FSHR: variants seen among roughly 807,000 people sequenced by gnomAD.
FSHR encodes follicle stimulating hormone receptor, also known as follicle-stimulating hormone receptor.
Under a neutral mutation model 52.1 loss-of-function variants are expected in FSHR, and 46 were observed. The observed-to-expected ratio is 0.88, with a 90% confidence interval of 0.70 to 1.13. FSHR has a LOEUF of 1.13. Among genes scored for constraint, FSHR ranks in the 50% most tolerant of loss-of-function variants. The probability of loss-of-function intolerance (pLI) is 0.00; values close to 1 mark genes in which losing one functional copy is unlikely to be tolerated. For synonymous variants in FSHR, 399 were observed against 309.6 expected (o/e 1.29, Z -3.03); for missense variants, 964 against 834.6 (o/e 1.16, Z -1.91).
chr2:49,110,905 G>A (rs1275601673), intron 1 of FSHR, among the ~76,000 whole-genome samples: 1 of 152,156 alleles, frequency 6.6e-6, no homozygotes, highest in Non-Finnish European at 1.5e-5. Flanking sequence ...TGATGCTACT[G>A]TAATTTAAGG....
intron 2 of FSHR, among the ~76,000 whole-genome samples, chr2:49,032,673 G>A (rs1376268214): frequency 6.6e-6 from 1 of 152,152 alleles, no homozygotes; most frequent in Non-Finnish European, 1.5e-5. Context: ...AGAATAATAA[G>A]GCACAGAAAA....
intron 2 of FSHR, among the ~76,000 whole-genome samples, chr2:49,047,374 A>T (rs1668700385): frequency 6.6e-6 from 1 of 152,244 alleles, no homozygotes; most frequent in South Asian, 2.1e-4. Context: ...AAGAAAAAAA[A>T]TAATCTGAGT....
rs945300779 is a variant in FSHR at position 48,962,312 on chromosome 2, T to C, written c.*421A>G. Reference sequence around the variant, plus strand: ...CTGGGAAATTCTCTGGGAGTCGGAATACCTAATCCTGGCTCTGCCTCTTAC... The same window carrying C: ...CTGGGAAATTCTCTGGGAGTCGGAACACCTAATCCTGGCTCTGCCTCTTAC... On this transcript the variant is annotated 3_prime_UTR_variant, in exon 10 of 10. Coordinates refer to ENST00000406846, the MANE Select transcript of FSHR (RefSeq NM_000145.4). 2 of 213,396 alleles carry C rather than the reference T, an allele frequency of 9.4e-6. No homozygotes were observed. The highest frequency in any genetic ancestry group is 1.1e-4 in the Admixed American group (2 of 18,940). 13.2% of individuals were successfully genotyped at this position (213,396 alleles called of 1,614,324 possible).
chr2:49,031,028 G>A (rs556870352), intron 2 of FSHR, among the ~76,000 whole-genome samples: 21 of 152,332 alleles, frequency 1.4e-4, no homozygotes, highest in Non-Finnish European at 2.6e-4. Context: ...TCATGTTAGT[G>A]ATCCAGCCAG....
intron 2 of FSHR, among the ~76,000 whole-genome samples, chr2:49,065,090 G>T (rs1669451470): frequency 1.3e-5 from 2 of 152,140 alleles, no homozygotes; most frequent in South Asian, 2.1e-4. Context: ...TATGCAATAT[G>T]ATGTCTGGTA....
intron 8 of FSHR, among the ~76,000 whole-genome samples, chr2:48,982,548 C>T (rs756734527): frequency 2.6e-5 from 4 of 152,088 alleles, no homozygotes; most frequent in Non-Finnish European, 5.9e-5. Context: ...TCTTGTATAA[C>T]CTTGAGTGGG....
intron 1 of FSHR, among the ~76,000 whole-genome samples, chr2:49,143,001 A>C (rs916549795): frequency 6.6e-6 from 1 of 152,186 alleles, no homozygotes; most frequent in African/African-American, 2.4e-5. Flanking sequence ...GGAGAAGTCA[A>C]GGTTTCAGTT....
At chr2:49,002,486 T>C (rs1477795251) in intron 4 of FSHR, among the ~76,000 whole-genome samples, 1 of 152,082 alleles carries the variant, frequency 6.6e-6, no homozygotes, top group Non-Finnish European at 1.5e-5. Flanking sequence ...TCCTCAGGGC[T>C]GGGGAGGCCT....
At chr2:49,137,929 AAAG>A (rs1216429166) in intron 1 of FSHR, among the ~76,000 whole-genome samples, 1 of 152,196 alleles carries the variant, frequency 6.6e-6, no homozygotes, top group Non-Finnish European at 1.5e-5. Flanking sequence ...AAGCACAAAA[AAAG>A]AATAAAAAAA....
At chr2:49,120,931 T>A (rs1229446494) in intron 1 of FSHR, among the ~76,000 whole-genome samples, 1 of 152,236 alleles carries the variant, frequency 6.6e-6, no homozygotes, top group African/African-American at 2.4e-5. Flanking sequence ...CATTGTGATA[T>A]ACCAGGAGAA....
chr2:48,993,719 C>T (rs1237821024), intron 4 of FSHR, among the ~76,000 whole-genome samples: 1 of 152,112 alleles, frequency 6.6e-6, no homozygotes, highest in Admixed American at 6.6e-5. Context: ...GCTATTTCCC[C>T]AGTGCGTTTT....
At chr2:49,090,704 C>T (rs1238214427) in intron 1 of FSHR, among the ~76,000 whole-genome samples, 2 of 152,158 alleles carry the variant, frequency 1.3e-5, no homozygotes, top group African/African-American at 2.4e-5. Flanking sequence ...TTTTCCAGAG[C>T]AGCTGTACCA....
At chr2:49,106,850 A>T (rs554780672) in intron 1 of FSHR, among the ~76,000 whole-genome samples, 1 of 152,272 alleles carries the variant, frequency 6.6e-6, no homozygotes, top group South Asian at 2.1e-4. Context: ...GCAAGATGGC[A>T]AGTCCCTCAG....
At chr2:49,120,455 G>A (rs1423364151) in intron 1 of FSHR, among the ~76,000 whole-genome samples, 2 of 152,174 alleles carry the variant, frequency 1.3e-5, no homozygotes, top group African/African-American at 2.4e-5. Context: ...ATGGTCTTTT[G>A]TAGTTGGATG....
chr2:49,116,578 C>T (rs1671607913), intron 1 of FSHR, among the ~76,000 whole-genome samples: 1 of 152,108 alleles, frequency 6.6e-6, no homozygotes, highest in African/African-American at 2.4e-5. Context: ...CAGCACTGTG[C>T]CTAACACATG....
chr2:49,027,259 G>A (rs1572651613), intron 2 of FSHR, among the ~76,000 whole-genome samples: 1 of 152,244 alleles, frequency 6.6e-6, no homozygotes, highest in Non-Finnish European at 1.5e-5. Flanking sequence ...ACCACCAATA[G>A]TTCTTAACAG....
intron 9 of FSHR, among the ~76,000 whole-genome samples, chr2:48,967,838 A>G (rs1340515042): frequency 6.6e-6 from 1 of 152,236 alleles, no homozygotes; most frequent in Non-Finnish European, 1.5e-5. Context: ...AAATAATATC[A>G]TAGGAAAGCT....
At chr2:49,076,891 C>A (rs561897882) in intron 1 of FSHR, among the ~76,000 whole-genome samples, 1 of 152,188 alleles carries the variant, frequency 6.6e-6, no homozygotes, top group African/African-American at 2.4e-5. Context: ...CTCCATTTCT[C>A]ACATCCAGGT....
chr2:48,975,532 T>C (rs1228277882), intron 8 of FSHR, among the ~76,000 whole-genome samples: 1 of 152,124 alleles, frequency 6.6e-6, no homozygotes, highest in African/African-American at 2.4e-5. Context: ...TCTGAAGCTT[T>C]CAAGTTTGGA....
Sources: gnomAD v4.1 joint callset for allele counts (sites outside exome capture counted in the v4.1 genomes callset) on GRCh38, gnomAD v4.1.1 for gene constraint, MANE v1.5 for transcripts, NCBI Gene and HGNC (gene_info 2026-07-23, HGNC 2026-07-21) for gene names.